MSL3: variants seen among roughly 807,000 people sequenced by gnomAD.
MSL3 encodes MSL complex subunit 3.
In MSL3, 5 loss-of-function variants were observed where a neutral mutation model predicts 37.2. That is an observed-to-expected ratio of 0.13 (90% CI 0.07 to 0.28). The LOEUF (loss-of-function observed/expected upper bound fraction) is 0.28, where lower values mean the gene tolerates loss of function less well. MSL3 is among the 10% of genes least tolerant of loss of function. The probability of loss-of-function intolerance (pLI) is 1.00; values close to 1 mark genes in which losing one functional copy is unlikely to be tolerated. For missense variants in MSL3, 315 were observed against 408.5 expected, an observed-to-expected ratio of 0.77 and a Z score of 1.97; for synonymous variants, 149 against 147.6, an observed-to-expected ratio of 1.01 and a Z score of -0.07.
chrX:11,766,437 TA>T, intron 9 of MSL3: 1 of 753,005 alleles, frequency 1.3e-6, no homozygotes, highest in African/African-American at 2.3e-5. Flanking sequence ...TAACATTAGC[TA>T]TTATACACTA....
intron 8 of MSL3, 114 bp from the exon 9 acceptor site, chrX:11,765,353 T>C: frequency 1.1e-6 from 1 of 923,506 alleles, no homozygotes; most frequent in East Asian, 3.1e-5. Context: ...CCAAGTGACT[T>C]CGGTACATAT....
In MSL3 at chrX:11,763,872, A is replaced by G; in HGVS notation, c.842A>G (p.Gln281Arg). 2 of 1,207,864 alleles carry G rather than the reference A, an allele frequency of 1.7e-6. No individual in the cohort carries two copies. The highest frequency in any genetic ancestry group is 2.2e-6 in the Non-Finnish European group (2 of 892,390). ...LVLLYPYEQA[Q>R]YKKVTSSKFF... ...TTACTCTATCCATATGAACAAGCTC[A>G]GTATAAAAAGGTGACTTCGTCTAAA... Residue 281 changes from glutamine (Q) to arginine (R), a missense_variant, in exon 8 of 13, where the codon CAG becomes CGG. Gln to Arg is a conservative substitution (Grantham distance 43). Coordinates refer to ENST00000312196, the MANE Select transcript of MSL3 (RefSeq NM_078629.4).
intron 10 of MSL3, among the ~76,000 whole-genome samples, chrX:11,771,955 T>G (rs1276920748): frequency 8.9e-6 from 1 of 112,324 alleles, no homozygotes. Context: ...AGAATAACTG[T>G]TGCGAGTTAA....
rs766950108 is a variant in MSL3, at chrX:11,759,773, G to C, written c.103-20G>C. 1 of 1,210,606 alleles carries C rather than the reference G, an allele frequency of 8.3e-7. No individual in the cohort carries two copies. Among genetic ancestry groups the C allele is most frequent in the Non-Finnish European group, 1.1e-6 (1 of 894,692 alleles). ...TTTCTGTATGTTCTGCCATTTGTGG[G>C]AAATATTTCTTCGTTTCAGATTGTT... On this transcript the variant is annotated intron_variant, in intron 1 of 12. Coordinates refer to ENST00000312196, the MANE Select transcript of MSL3 (RefSeq NM_078629.4).
intron 8 of MSL3, among the ~76,000 whole-genome samples, chrX:11,764,440 C>T (rs367737787): frequency 1.8e-5 from 2 of 111,047 alleles, no homozygotes; most frequent in Non-Finnish European, 1.9e-5. Context: ...TCTTGCTCTG[C>T]GATGTCACCA....
At chrX:11,772,995 A>T (rs906497953) in intron 12 of MSL3, among the ~76,000 whole-genome samples, 2 of 112,211 alleles carry the variant, frequency 1.8e-5, no homozygotes, top group Admixed American at 1.9e-4. Flanking sequence ...TAGAAAATAA[A>T]TTTTCTAAAG....
At chrX:11,770,878 TC>T (rs925770032) in intron 10 of MSL3, among the ~76,000 whole-genome samples, 2 of 112,491 alleles carry the variant, frequency 1.8e-5, no homozygotes, top group Admixed American at 1.9e-4. Context: ...CCTGTATGTT[TC>T]CTTTGAGTCA....
At chrX:11,765,341 G>A in intron 8 of MSL3, 126 bp from the exon 9 acceptor site, 1 of 809,064 alleles carries the variant, frequency 1.2e-6, no homozygotes, top group Non-Finnish European at 1.7e-6. Context: ...TATGGAGAGG[G>A]TCCAAGTGAC....
At position 11,772,638 on chromosome X, in the gene MSL3, C is replaced by A. The variant is rs1266123326; in HGVS notation, c.1399C>A (p.Leu467Ile). The A allele has an allele frequency of 6.7e-6, 8 of 1,192,007 alleles. No individual in the cohort carries two copies. The highest frequency in any genetic ancestry group is 9.1e-6 in the Non-Finnish European group (8 of 881,135). The change falls in exon 12 of 13, where the codon CTT becomes ATT. Residue 467 changes from leucine to isoleucine, a missense_variant. By Grantham distance (5) the Leu-to-Ile change is conservative. Transcript: ENST00000312196. ...TAATGCAGTGAAACTTCCAGAAATCCTTGGAAAGATGTCCTTTTCTGAGAA... is the reference window on the plus strand; with the variant it reads ...TAATGCAGTGAAACTTCCAGAAATCATTGGAAAGATGTCCTTTTCTGAGAA... Reference protein sequence around the residue: ...LRLFVKLPEILGKMSFSEKNL... With the variant: ...LRLFVKLPEIIGKMSFSEKNL...
chrX:11,775,068 G>A lies in MSL3; in HGVS notation c.1555G>A (p.Ala519Thr), dbSNP rs758791743. 3.3e-6 allele frequency: 4 copies of A among 1,199,193 alleles called. No individual in the cohort carries two copies. The highest frequency in any genetic ancestry group is 3.5e-5 in the African/African-American group (2 of 56,719). ...ACATTACAGCACCAAGAACCCCCGG[G>A]CAATTTATTAAAATGTTGTTGGTTC... ...EAHYSTKNPR[A>T]IY Residue 519 changes from alanine (A) to threonine (T), a missense_variant, in exon 13 of 13, where the codon GCA becomes ACA. Transcript: ENST00000312196.
At chrX:11,767,357 G>C (rs973967264) in intron 9 of MSL3, 1 of 580,969 alleles carries the variant, frequency 1.7e-6, no homozygotes, top group Non-Finnish European at 2.1e-6. Context: ...AAAGTTTTTA[G>C]TGTCTCCAGA....
At chrX:11,760,712 C>A in intron 3 of MSL3, 125 bp from the exon 4 acceptor site, 2 of 609,292 alleles carry the variant, frequency 3.3e-6, no homozygotes, top group Non-Finnish European at 4.9e-6. Context: ...TGGAAATTAC[C>A]ATTTATGTTC....
intron 1 of MSL3, chrX:11,758,578 C>T: frequency 9.0e-7 from 1 of 1,111,995 alleles, no homozygotes; most frequent in Non-Finnish European, 1.2e-6. Flanking sequence ...TCAGGCCGGG[C>T]GGCGCACGCG....
chrX:11,760,062 C>T (rs1188336385), intron 2 of MSL3, 187 bp downstream of exon 2: 1 of 474,020 alleles, frequency 2.1e-6, no homozygotes, highest in Admixed American at 4.7e-5. Flanking sequence ...CCTGTCTTTA[C>T]TTTGTAGCGT....
intron 7 of MSL3, 122 bp from the exon 8 acceptor site, chrX:11,763,658 G>A: frequency 2.1e-6 from 1 of 486,818 alleles, no homozygotes; most frequent in Middle Eastern, 6.4e-4. Flanking sequence ...TTGTGTGTAT[G>A]TAGGTGTAGT....
Position 11,765,698 on chromosome X carries a change from C to T in MSL3, c.1140C>T (p.Ser380=). Residue 380 remains serine (S), a synonymous_variant, in exon 9 of 13, where the codon AGC becomes AGT. Coordinates refer to ENST00000312196, the MANE Select transcript of MSL3 (RefSeq NM_078629.4). ...GCCGGCAGCAGGACACATCCGCCAG[C>T]ATGCCCAAGCTCTTCCTGCACCTGG... is the stretch of plus-strand genomic sequence containing the variant. ...PKRRQQDTSA[S]MPKLFLHLEK... The T allele has an allele frequency of 8.2e-7, 1 of 1,212,210 alleles. No individual in the cohort carries two copies. The highest frequency in any genetic ancestry group is 1.1e-6 in the Non-Finnish European group (1 of 895,537).
chrX:11,760,769 T>G (rs1050266232), intron 3 of MSL3, 68 bp from the exon 4 acceptor site: 87 of 829,487 alleles, frequency 1.0e-4, no homozygotes, highest in Non-Finnish European at 1.4e-4. Flanking sequence ...TATTATATCT[T>G]GTTTTGATCT....
Position 11,763,908 on chromosome X carries a change from C to A in MSL3, c.878C>A (p.Pro293Gln). The A allele has an allele frequency of 8.3e-7, 1 of 1,208,760 alleles. No individual in the cohort carries two copies. Among genetic ancestry groups the A allele is most frequent in the Non-Finnish European group, 1.1e-6 (1 of 893,797 alleles). ...KKVTSSKFFLPIKESATSTNR... is the reference protein window; with the variant it reads ...KKVTSSKFFLQIKESATSTNR... ...GTGACTTCGTCTAAATTTTTTCTTC[C>A]AATTAAGGAAAGTGCCACAAGCACT... The change falls in exon 8 of 13, where the codon CCA (proline) becomes CAA (glutamine). Residue 293 changes from proline (P) to glutamine (Q), a missense_variant. Transcript: ENST00000312196.
chrX:11,759,629 C>CA (rs779065243), intron 1 of MSL3, 164 bp from the exon 2 acceptor site: 2 of 1,087,536 alleles, frequency 1.8e-6, no homozygotes, highest in African/African-American at 3.8e-5. Flanking sequence ...TGAAGGCGTC[C>CA]ACTTGGGGGA....
Sources: gnomAD v4.1 joint callset for allele counts (sites outside exome capture counted in the v4.1 genomes callset) on GRCh38, gnomAD v4.1.1 for gene constraint, MANE v1.5 for transcripts, NCBI Gene and HGNC (gene_info 2026-07-23, HGNC 2026-07-21) for gene names.